The following MCF2L variants were observed in gnomAD, a reference collection of about 807,000 sequenced individuals.
The protein encoded by MCF2L is guanine nucleotide exchange factor DBS.
Under a neutral mutation model 153.4 loss-of-function variants are expected in MCF2L, and 97 were observed. The ratio of observed to expected loss-of-function variants is 0.63; its 90% confidence interval spans 0.54 to 0.75. The LOEUF is 0.75. Among genes scored for constraint, MCF2L ranks in the 30% least tolerant of loss-of-function variants. The pLI, the probability that MCF2L is intolerant of heterozygous loss-of-function variation, is 0.00. For synonymous variants in MCF2L, 659 were observed against 632.2 expected, an observed-to-expected ratio of 1.04 and a Z score of -0.64; for missense variants, 1,347 against 1,495.2, an observed-to-expected ratio of 0.90 and a Z score of 1.64.
intron 2 of MCF2L, among the ~76,000 whole-genome samples, chr13:112,926,924 A>C (rs577492402): frequency 1.3e-5 from 2 of 152,336 alleles, no homozygotes; most frequent in African/African-American, 4.8e-5. Context: ...AAATAAGCAT[A>C]TGAGTTAAGA....
chr13:112,925,766 G>A (rs12430617), intron 2 of MCF2L, among the ~76,000 whole-genome samples: 26,866 of 151,944 alleles, frequency 0.18, 2,648 homozygotes, highest in African/African-American at 0.25. Context: ...AAACTGCTCC[G>A]TGCATGTTCC....
intron 2 of MCF2L, among the ~76,000 whole-genome samples, chr13:112,955,714 G>C (rs2081748945): frequency 6.6e-6 from 1 of 152,162 alleles, no homozygotes; most frequent in Non-Finnish European, 1.5e-5. Flanking sequence ...CCCCAAAAGA[G>C]CCCCTGCGCT....
At position 113,088,553 on chromosome 13, in the gene MCF2L, T is replaced by G; in HGVS notation, c.2768-9T>G. On this transcript the variant is annotated splice_polypyrimidine_tract_variant and intron_variant, in intron 24 of 29. Transcript: ENST00000535094. ...TCGTTCACGTGGTTTGTCTGCTCCC[T>G]CCTCGCAGAAGCCAGCCAGCACCGG... The G allele has an allele frequency of 6.2e-7, 1 of 1,611,196 alleles. No individual in the cohort carries two copies. The highest frequency in any genetic ancestry group is 8.5e-7 in the Non-Finnish European group (1 of 1,179,698).
chr13:112,962,187 A>ACAAACATGCTCACACACG lies in MCF2L; in HGVS notation c.170-52576_170-52575insCAAACATGCTCACACACG, dbSNP rs1231346989. On this transcript the variant is annotated intron_variant, in intron 2 of 29. Transcript: ENST00000375608. ...TGCATGCACAGATGCACACACACGC[A>ACAAACATGCTCACACACG]TGCACAAACATGCTCACACACTTGC... is the stretch of plus-strand genomic sequence containing the variant. Among the ~76,000 whole-genome samples, 190 of 150,672 alleles carry ACAAACATGCTCACACACG rather than the reference A, an allele frequency of 1.3e-3. 1 individual carries two copies. Among genetic ancestry groups the ACAAACATGCTCACACACG allele is most frequent in the African/African-American group, 4.5e-3 (184 of 40,794 alleles).
At chr13:113,049,304 TG>T (rs575764404) in intron 4 of MCF2L, among the ~76,000 whole-genome samples, 134 of 104,094 alleles carry the variant, frequency 1.3e-3, no homozygotes, top group Admixed American at 3.4e-3. Context: ...GCCTAGGTCC[TG>T]GGCAGACCAG....
chr13:113,058,732 T>TGG, intron 4 of MCF2L, among the ~76,000 whole-genome samples: 1 of 140,496 alleles, frequency 7.1e-6, no homozygotes, highest in Non-Finnish European at 1.6e-5. Context: ...GGGTGCTGTG[T>TGG]GGGCGCTGAG....
At chr13:113,012,408 G>A (rs552341755) in intron 1 of MCF2L, among the ~76,000 whole-genome samples, 4 of 112,704 alleles carry the variant, frequency 3.5e-5, no homozygotes, top group Non-Finnish European at 7.9e-5. Context: ...ACTGTGATGC[G>A]GACGGTGGAC....
intron 2 of MCF2L, among the ~76,000 whole-genome samples, chr13:112,925,363 C>T (rs1455752429): frequency 2.0e-5 from 3 of 152,150 alleles, no homozygotes; most frequent in Non-Finnish European, 2.9e-5. Flanking sequence ...GCCTGCCCTC[C>T]GATTCCACCC....
intron 4 of MCF2L, chr13:113,047,404 A>G: frequency 6.6e-6 from 1 of 152,164 alleles, no homozygotes; most frequent in East Asian, 1.9e-4. Context: ...GTCATAGGCA[A>G]CTCTAAAAAT....
At chr13:112,988,845 ACGCC>A (rs1464400629) in intron 1 of MCF2L, among the ~76,000 whole-genome samples, 15 of 83,634 alleles carry the variant, frequency 1.8e-4, no homozygotes, top group South Asian at 6.1e-4. Context: ...TGGAGCTACC[ACGCC>A]CAAGTCCTCC....
chr13:112,911,946 C>A (rs2081237378), intron 2 of MCF2L, among the ~76,000 whole-genome samples: 1 of 152,172 alleles, frequency 6.6e-6, no homozygotes, highest in Non-Finnish European at 1.5e-5. Context: ...GCCAATCCGC[C>A]AAGAATAGGA....
intron 2 of MCF2L, among the ~76,000 whole-genome samples, chr13:112,923,466 G>A (rs182215937): frequency 7.9e-4 from 120 of 151,964 alleles, no homozygotes; most frequent in Middle Eastern, 6.8e-3. Flanking sequence ...GGGTTTCACC[G>A]TGTTAGCCAG....
In MCF2L at chr13:112,907,818, G is replaced by T. The variant is rs148894165; in HGVS notation, c.169+5447G>T. ...TGAGAAAAGGCGATCTCAGCAGCAC[G>T]CCGTGTTAAAGAACAGCGCATGTTG... On this transcript the variant is annotated intron_variant, in intron 2 of 29. Transcript: ENST00000375608. This position sits in a 1 kb window ranked among gnomAD's most constrained non-coding sequence, Gnocchi z 5.1. 3.9e-5 allele frequency among the ~76,000 whole-genome samples: 6 copies of T among 152,148 alleles called. No individual in the cohort carries two copies. The highest frequency in any genetic ancestry group is 1.4e-4 in the African/African-American group (6 of 41,422).
chr13:112,995,101 G>A (rs1478580595), intron 1 of MCF2L, among the ~76,000 whole-genome samples: 2 of 152,290 alleles, frequency 1.3e-5, no homozygotes, highest in East Asian at 1.9e-4. Context: ...TGCCCCTCCC[G>A]TGTTCTCCTC....
intron 2 of MCF2L, among the ~76,000 whole-genome samples, chr13:112,918,286 A>G (rs1419393046): frequency 6.6e-6 from 1 of 152,196 alleles, no homozygotes; most frequent in Admixed American, 6.5e-5. Flanking sequence ...TTACTACCCT[A>G]ACACTGGGGA....
chr13:113,045,656 C>G lies in MCF2L; in HGVS notation c.369+295C>G. ...TTCCGAACACCAAGTCTGAGATGCT[C>G]GGGACTGAATATGCCTCTTACATAT... On this transcript the variant is annotated intron_variant, in intron 4 of 29. Coordinates refer to ENST00000535094, the MANE Select transcript of MCF2L (RefSeq NM_001112732.3). This position sits in a 1 kb window ranked among gnomAD's most constrained non-coding sequence, Gnocchi z 4.2. The G allele has an allele frequency of 2.1e-6, 1 of 484,368 alleles. No individual in the cohort carries two copies. The highest frequency in any genetic ancestry group is 2.9e-5 in the South Asian group (1 of 34,626). 30.0% of individuals were successfully genotyped at this position (484,368 alleles called of 1,614,324 possible).
Position 113,016,907 on chromosome 13 carries a change from A to G in MCF2L, c.163+2061A>G, listed in dbSNP as rs1418003469. Among the ~76,000 whole-genome samples the G allele has an allele frequency of 2.0e-5, 3 of 152,018 alleles. No individual in the cohort carries two copies. In the East Asian group the frequency reaches 5.8e-4, roughly 30 times the overall value. ...TCCCTCCTGAGGGCTGGGTTTGTTCACAGCTGCCTCCCGGCTTCTAGAGGT... is the reference window on the plus strand; with the variant it reads ...TCCCTCCTGAGGGCTGGGTTTGTTCGCAGCTGCCTCCCGGCTTCTAGAGGT... On this transcript the variant is annotated intron_variant, in intron 2 of 29. Coordinates refer to ENST00000535094, the MANE Select transcript of MCF2L (RefSeq NM_001112732.3).
intron 2 of MCF2L, among the ~76,000 whole-genome samples, chr13:112,961,807 G>A (rs1349044432): frequency 6.6e-6 from 1 of 152,220 alleles, no homozygotes. Flanking sequence ...GCCCAGGAGA[G>A]GCCACTGATG....
At chr13:112,921,094 G>C (rs529202106) in intron 2 of MCF2L, among the ~76,000 whole-genome samples, 1 of 151,962 alleles carries the variant, frequency 6.6e-6, no homozygotes, top group South Asian at 2.1e-4. Context: ...GGAGAATGGC[G>C]TGAATCCGGG....
Sources: allele counts gnomAD v4.1 joint callset (sites outside exome capture counted in the v4.1 genomes callset), GRCh38; gene constraint gnomAD v4.1.1; non-coding constraint Gnocchi (gnomAD v3.1); transcripts MANE v1.5; gene names NCBI Gene and HGNC (gene_info 2026-07-23, HGNC 2026-07-21).